SGPP2: variants seen among roughly 807,000 people sequenced by gnomAD.
SGPP2 encodes the protein sphingosine 1-phosphate phosphohydrolase 2.
In SGPP2, 30 loss-of-function variants were observed where a neutral mutation model predicts 33.9. The observed-to-expected ratio is 0.89, with a 90% CI of 0.66 to 1.20. The LOEUF is 1.20. Ranked by LOEUF, SGPP2 falls within the 50% of genes most tolerant of loss-of-function variation. SGPP2 has a pLI of 0.00. For missense variants in SGPP2, 458 were observed against 532.1 expected (o/e 0.86, Z 1.37); for synonymous variants, 233 against 225.0 (o/e 1.04, Z -0.32).
At chr2:222,443,169 G>A (rs563434509) in intron 1 of SGPP2, among the ~76,000 whole-genome samples, 45 of 152,136 alleles carry the variant, frequency 3.0e-4, no homozygotes, top group African/African-American at 1.1e-3. Context: ...AACCATTCTC[G>A]GCTTTGCCCT....
intron 4 of SGPP2, among the ~76,000 whole-genome samples, chr2:222,534,499 G>T (rs1698884981): frequency 6.6e-6 from 1 of 152,024 alleles, no homozygotes; most frequent in African/African-American, 2.4e-5. Context: ...TGGAGTCAGA[G>T]AATGTTGAAA....
At chr2:222,496,942 T>C (rs1458146965) in intron 2 of SGPP2, among the ~76,000 whole-genome samples, 1 of 152,218 alleles carries the variant, frequency 6.6e-6, no homozygotes, top group Non-Finnish European at 1.5e-5. Context: ...ATTTAAGAGA[T>C]GTCCCCTACA....
chr2:222,521,242 T>C lies in SGPP2; in HGVS notation c.379-525T>C, dbSNP rs558913227. Among the ~76,000 whole-genome samples, 20 of 152,378 alleles carry C rather than the reference T, an allele frequency of 1.3e-4. No individual in the cohort carries two copies. The South Asian group carries it at 3.9e-3, about 30-fold the overall frequency. On this transcript the variant is annotated intron_variant, in intron 2 of 4. Transcript: ENST00000321276. ...GTGGTTAAAATTTGAAAACAAGTGC[T>C]GCCTGGTTTGAGTATTAGGTTATCT...
chr2:222,494,395 G>A (rs1182658340), intron 2 of SGPP2, among the ~76,000 whole-genome samples: 1 of 152,244 alleles, frequency 6.6e-6, no homozygotes, highest in Non-Finnish European at 1.5e-5. Flanking sequence ...GAGATAGAGA[G>A]AATGTTCACG....
chr2:222,506,714 C>T (rs1260709189), intron 2 of SGPP2, among the ~76,000 whole-genome samples: 1 of 152,076 alleles, frequency 6.6e-6, no homozygotes, highest in Non-Finnish European at 1.5e-5. Context: ...GCACAGGGCA[C>T]TGGTACTCAC....
chr2:222,434,694 T>C (rs973974641), intron 1 of SGPP2, among the ~76,000 whole-genome samples: 2 of 152,122 alleles, frequency 1.3e-5, no homozygotes, highest in African/African-American at 4.8e-5. Context: ...GGCAAAAATT[T>C]TGTTTCCATA....
At chr2:222,432,566 G>A (rs1042662244) in intron 1 of SGPP2, among the ~76,000 whole-genome samples, 5 of 152,196 alleles carry the variant, frequency 3.3e-5, no homozygotes, top group Non-Finnish European at 5.9e-5. Flanking sequence ...AGACTCAATC[G>A]AATTGCTCCC....
chr2:222,503,138 T>C (rs1316563741), intron 2 of SGPP2, among the ~76,000 whole-genome samples: 1 of 152,144 alleles, frequency 6.6e-6, no homozygotes, highest in Non-Finnish European at 1.5e-5. Context: ...TGTATGTTCC[T>C]GACAAAAAGA....
At chr2:222,509,629 T>G (rs1037524488) in intron 2 of SGPP2, among the ~76,000 whole-genome samples, 24 of 152,184 alleles carry the variant, frequency 1.6e-4, no homozygotes, top group African/African-American at 3.9e-4. Context: ...ATAGTTTGCT[T>G]CTTCTTCTAT....
intron 1 of SGPP2, among the ~76,000 whole-genome samples, chr2:222,425,653 A>G (rs1159817867): frequency 6.6e-6 from 1 of 152,222 alleles, no homozygotes; most frequent in Non-Finnish European, 1.5e-5. Context: ...GAGCACTGGC[A>G]GCACCTGCCT....
intron 2 of SGPP2, among the ~76,000 whole-genome samples, chr2:222,508,763 CTA>C (rs1698482613): frequency 6.6e-6 from 1 of 152,134 alleles, no homozygotes; most frequent in Non-Finnish European, 1.5e-5. Flanking sequence ...TATTTCATCT[CTA>C]TTTTTACAAA....
At chr2:222,514,586 C>T (rs893080327) in intron 2 of SGPP2, among the ~76,000 whole-genome samples, 1 of 151,372 alleles carries the variant, frequency 6.6e-6, no homozygotes, top group African/African-American at 2.4e-5. Context: ...CTTCAGTGTA[C>T]GTTCATAACC....
At position 222,507,599 on chromosome 2, in the gene SGPP2, C is replaced by T. The variant is rs532136519; in HGVS notation, c.379-14168C>T. ...GTAGAAAAGGGTTTTCTTAGCAATG[C>T]TTCTGTTGCTATCAGAAGTAAATTT... is the stretch of plus-strand genomic sequence containing the variant. On this transcript the variant is annotated intron_variant, in intron 2 of 4. Coordinates refer to ENST00000321276, the MANE Select transcript of SGPP2 (RefSeq NM_152386.4). Among the ~76,000 whole-genome samples the T allele has an allele frequency of 2.4e-4, 36 of 152,226 alleles. No homozygotes were observed. The South Asian group carries it at 5.8e-3, about 25-fold the overall frequency.
chr2:222,529,463 T>TAG (rs1698808056), intron 4 of SGPP2, among the ~76,000 whole-genome samples: 2 of 152,212 alleles, frequency 1.3e-5, no homozygotes, highest in Non-Finnish European at 2.9e-5. Context: ...GCCTCCCAAG[T>TAG]AGCTGGGACT....
rs547793811 is a variant in SGPP2, at chr2:222,435,271, T to C, written c.219+10450T>C. ...TGTAGGCTGGGAAGTTAGGCCAGTCTCTCTTTTTACATTTTTCTGCCTGCT... is the reference window on the plus strand; with the variant it reads ...TGTAGGCTGGGAAGTTAGGCCAGTCCCTCTTTTTACATTTTTCTGCCTGCT... On this transcript the variant is annotated intron_variant, in intron 1 of 4. Coordinates refer to ENST00000321276, the MANE Select transcript of SGPP2 (RefSeq NM_152386.4). Among the ~76,000 whole-genome samples, 20 of 152,174 alleles carry C rather than the reference T, an allele frequency of 1.3e-4. No homozygotes were observed. In the South Asian group the frequency reaches 3.7e-3, roughly 28 times the overall value.
chr2:222,475,087 A>T lies in SGPP2; in HGVS notation c.378+361A>T, dbSNP rs570310270. On this transcript the variant is annotated intron_variant, in intron 2 of 4. Transcript: ENST00000321276. ...GAGAGGACCAGTTTTAGGGAGGGAC[A>T]ATTATCATCCTTGCTTCAAAGTTAA... Among the ~76,000 whole-genome samples the T allele has an allele frequency of 2.1e-3, 319 of 152,248 alleles. 3 individuals are homozygous for T. Among genetic ancestry groups the T allele is most frequent in the East Asian group, 8.1e-3 (42 of 5,172 alleles).
intron 2 of SGPP2, among the ~76,000 whole-genome samples, chr2:222,513,411 C>T (rs1234565966): frequency 3.3e-5 from 5 of 152,064 alleles, no homozygotes; most frequent in Admixed American, 2.0e-4. Context: ...AAAATGATCT[C>T]GTCTATCTTA....
At chr2:222,454,506 C>T (rs1697541085) in intron 1 of SGPP2, among the ~76,000 whole-genome samples, 2 of 152,258 alleles carry the variant, frequency 1.3e-5, no homozygotes, top group South Asian at 4.1e-4. Context: ...TTATGAAAGT[C>T]CCTTTCAGAC....
Position 222,431,342 on chromosome 2 carries a change from C to CA in SGPP2, c.219+6527dup, listed in dbSNP as rs370406576. Among the ~76,000 whole-genome samples the CA allele has an allele frequency of 8.6e-4, 130 of 151,828 alleles. 1 individual carries two copies. Among genetic ancestry groups the CA allele is most frequent in the African/African-American group, 2.9e-3 (120 of 41,320 alleles). On this transcript the variant is annotated intron_variant, in intron 1 of 4. Transcript: ENST00000321276. ...CAACATGGTGAAACCCTGTCTCTAC[C>CA]AAAAAATATGAAAATTAGCCAGGTG...
Sources: allele counts gnomAD v4.1 joint callset (sites outside exome capture counted in the v4.1 genomes callset), GRCh38; gene constraint gnomAD v4.1.1; transcripts MANE v1.5; gene names NCBI Gene and HGNC (gene_info 2026-07-23, HGNC 2026-07-21).